URGCP: variants seen among roughly 807,000 people sequenced by gnomAD.
URGCP encodes upregulator of cell proliferation, also known as up-regulator of cell proliferation.
URGCP carries 13 observed loss-of-function variants against 24.6 expected under a neutral mutation model. The ratio of observed to expected loss-of-function variants is 0.53; its 90% CI spans 0.34 to 0.84. URGCP has a LOEUF of 0.84. URGCP is among the 40% of genes least tolerant of loss of function. The pLI, the probability that URGCP is intolerant of heterozygous loss-of-function variation, is 0.01. For missense variants in URGCP, 899 were observed against 1,194.3 expected, an observed-to-expected ratio of 0.75 and a Z score of 3.64; for synonymous variants, 444 against 487.2, an observed-to-expected ratio of 0.91 and a Z score of 1.17.
At position 43,876,784 on chromosome 7, in the gene URGCP, C is replaced by G. The variant is rs927251549; in HGVS notation, c.2679G>C (p.Leu893Phe). ...ATTCAAATATGGCTTCACTGTAGGC[C>G]AAGCTCACTGCGGCCATGGGAGGTG... ...HGAPPMAAVS[L>F]AYSEAIFELK... Residue 893 changes from leucine (L) to phenylalanine (F), a missense_variant, in exon 6 of 6, where the codon TTG becomes TTC. By Grantham distance (22) the Leu-to-Phe change is conservative. Coordinates refer to ENST00000453200, the MANE Select transcript of URGCP (RefSeq NM_001077663.3). The G allele has an allele frequency of 6.2e-7, 1 of 1,614,210 alleles. No homozygotes were observed. The highest frequency in any genetic ancestry group is 1.7e-5 in the Admixed American group (1 of 60,028).
chr7:43,919,796 CCT>C, intron 1 of URGCP: 3 of 1,313,840 alleles, frequency 2.3e-6, no homozygotes, highest in Non-Finnish European at 3.3e-6. Flanking sequence ...AGTCTCCTTA[CCT>C]GCCCTTGGCC....
chr7:43,881,847 T>G, intron 4 of URGCP, 60 bp downstream of exon 4: 2 of 1,606,380 alleles, frequency 1.2e-6, no homozygotes, highest in South Asian at 2.2e-5. Flanking sequence ...CGGTTATCTG[T>G]CACTTTACCC....
intron 1 of URGCP, among the ~76,000 whole-genome samples, chr7:43,921,364 T>C (rs2095922263): frequency 6.6e-6 from 1 of 151,910 alleles, no homozygotes; most frequent in South Asian, 2.1e-4. Flanking sequence ...TCTAATTAAC[T>C]GGCCTAAAGG....
rs564543062 is a variant in URGCP, at chr7:43,880,932, G to A, written c.202+727C>T. 7.0e-4 allele frequency among the ~76,000 whole-genome samples: 106 copies of A among 152,300 alleles called. 2 individuals carry two copies. The South Asian group carries it at 0.02, about 29-fold the overall frequency. ...ATGGATTCAAGACCACTTTCCATAC[G>A]ACCAGCAGGACTCACAGTGCTGGAC... On this transcript the variant is annotated intron_variant, in intron 5 of 5. Transcript: ENST00000453200.
In URGCP at chr7:43,876,994, A is replaced by G; in HGVS notation, c.2469T>C (p.His823=). 6.2e-7 allele frequency: 1 copy of G among 1,614,226 alleles called. No homozygotes were observed. The highest frequency in any genetic ancestry group is 8.5e-7 in the Non-Finnish European group (1 of 1,180,042). ...GCCTAGGGCCGGGAACAGATACATC[A>G]TGAAGGTTCTGGTATACAAACTGGT... ...PNYQFVYQNL[H]DVSVPGPRPR... is the part of the protein sequence containing the mutation. The change falls in exon 6 of 6, where the codon CAT becomes CAC. Residue 823 remains histidine (H), a synonymous_variant. Coordinates refer to ENST00000453200, the MANE Select transcript of URGCP (RefSeq NM_001077663.3).
intron 1 of URGCP, among the ~76,000 whole-genome samples, chr7:43,925,081 C>T (rs1413760543): frequency 1.3e-5 from 2 of 151,958 alleles, no homozygotes; most frequent in Non-Finnish European, 2.9e-5. Flanking sequence ...TTTGAAGGCC[C>T]CTGGATGACA....
chr7:43,901,870 T>C (rs977150745), intron 1 of URGCP, among the ~76,000 whole-genome samples: 3 of 152,190 alleles, frequency 2.0e-5, no homozygotes, highest in Admixed American at 1.3e-4. Context: ...TCAGGTACTT[T>C]TGACAGCCAA....
At chr7:43,911,832 A>G (rs2095910462) in intron 1 of URGCP, among the ~76,000 whole-genome samples, 1 of 152,224 alleles carries the variant, frequency 6.6e-6, no homozygotes, top group Non-Finnish European at 1.5e-5. Context: ...GCCTTAATAC[A>G]TCATAAAATA....
intron 1 of URGCP, among the ~76,000 whole-genome samples, chr7:43,903,827 A>G (rs2095896056): frequency 6.6e-6 from 1 of 152,218 alleles, no homozygotes; most frequent in Non-Finnish European, 1.5e-5. Context: ...TAAAGCCACT[A>G]AAACAGATGT....
At chr7:43,924,917 C>A (rs2132737487) in intron 1 of URGCP, among the ~76,000 whole-genome samples, 1 of 152,242 alleles carries the variant, frequency 6.6e-6, no homozygotes, top group African/African-American at 2.4e-5. Context: ...CACCACCATG[C>A]CCAGCTAAGT....
At chr7:43,910,892 A>G (rs1019837670), upstream of URGCP, 7 of 152,112 alleles carry the variant, frequency 4.6e-5, no homozygotes, top group African/African-American at 1.7e-4. Context: ...TTACATATTG[A>G]TAAGAGTCAA....
rs541963721 is a variant in URGCP at position 43,917,955 on chromosome 7, C to T, written c.-116+8177G>A. 6.6e-5 allele frequency among the ~76,000 whole-genome samples: 10 copies of T among 151,700 alleles called. 1 individual carries two copies. The South Asian group carries it at 1.9e-3, about 28-fold the overall frequency. On this transcript the variant is annotated intron_variant, in intron 1 of 5. Transcript: ENST00000426198. ...TCCAGCCTGGGTGACAGAGCAAGAC[C>T]GTCTCAAAAAACAAAACAAAACAAA...
At chr7:43,907,249 A>G (rs1447970603), upstream of URGCP, among the ~76,000 whole-genome samples, 1 of 152,146 alleles carries the variant, frequency 6.6e-6, no homozygotes, top group Non-Finnish European at 1.5e-5. Flanking sequence ...CTCTCTGCAA[A>G]ATGAGTTTCC....
chr7:43,876,922 C>CCA lies in URGCP; in HGVS notation c.2540_2541insTG (p.Arg847SerfsTer46). On this transcript the variant is annotated frameshift_variant, in exon 6 of 6. Transcript: ENST00000453200. LOFTEE classifies it high-confidence loss of function. The stretch of plus-strand genomic sequence containing the variant: ...CCTGTTTCTCCATCTGGGCTGCAGC[C>CCA]CTGCTCAGGTCACCAGGTGGATCCA... 6.2e-7 allele frequency: 1 copy of CCA among 1,614,088 alleles called. No homozygotes were observed. Among genetic ancestry groups the CCA allele is most frequent in the Non-Finnish European group, 8.5e-7 (1 of 1,180,014 alleles).
chr7:43,924,376 G>T (rs927116096), intron 1 of URGCP, among the ~76,000 whole-genome samples: 2 of 152,094 alleles, frequency 1.3e-5, no homozygotes, highest in African/African-American at 4.8e-5. Context: ...AAATTTTAGA[G>T]ATTAACACAT....
At chr7:43,906,724 C>G (rs2095904032), upstream of URGCP, 13 of 282,084 alleles carry the variant, frequency 4.6e-5, no homozygotes, top group South Asian at 1.8e-3. Context: ...TAAGGTGGGC[C>G]CGGGGTCCTC....
chr7:43,900,023 T>C (rs1208551755), intron 1 of URGCP, among the ~76,000 whole-genome samples: 2 of 152,044 alleles, frequency 1.3e-5, no homozygotes, highest in African/African-American at 2.4e-5. Flanking sequence ...CATGCGCCTG[T>C]AGTCCCAGCT....
intron 1 of URGCP, chr7:43,888,481 A>G (rs890263208): frequency 2.0e-5 from 3 of 151,476 alleles, no homozygotes; most frequent in Non-Finnish European, 4.4e-5. Flanking sequence ...AGCCTGGGTG[A>G]CAAGAACAAA....
intron 1 of URGCP, among the ~76,000 whole-genome samples, chr7:43,913,178 C>A (rs2095911948): frequency 6.6e-6 from 1 of 151,902 alleles, no homozygotes; most frequent in Admixed American, 6.6e-5. Context: ...GGACAATTTG[C>A]CAGATATAAG....
Sources: allele counts gnomAD v4.1 joint callset (sites outside exome capture counted in the v4.1 genomes callset), GRCh38; gene constraint gnomAD v4.1.1; transcripts MANE v1.5; gene names NCBI Gene and HGNC (gene_info 2026-07-23, HGNC 2026-07-21).